SLC7A7: variants seen among roughly 807,000 people sequenced by gnomAD.
SLC7A7 encodes solute carrier family 7 member 7.
In SLC7A7, 39 loss-of-function variants were observed where a neutral mutation model predicts 47.9. The observed-to-expected ratio is 0.81, with a 90% confidence interval of 0.63 to 1.06. The LOEUF is 1.06. Ranked by LOEUF, SLC7A7 falls within the 50% of genes least tolerant of loss-of-function variation. The probability of loss-of-function intolerance (pLI) is 0.00; values close to 1 mark genes in which losing one functional copy is unlikely to be tolerated. For synonymous variants in SLC7A7, 234 were observed against 242.8 expected (o/e 0.96, Z 0.34); for missense variants, 588 against 632.0 (o/e 0.93, Z 0.75).
At position 22,780,053 on chromosome 14, in the gene SLC7A7, T is replaced by G; in HGVS notation, c.500-2A>C. ...CACAGTTAATGAAGGTTAAGAGACC[T>G]GAAAGAAAAATAATACTGATTGGTG... On this transcript the variant is annotated splice_acceptor_variant, in intron 2 of 9. Transcript: ENST00000674313. LOFTEE classifies it high-confidence loss of function. 6.2e-7 allele frequency: 1 copy of G among 1,613,964 alleles called. No homozygotes were observed. The highest frequency in any genetic ancestry group is 8.5e-7 in the Non-Finnish European group (1 of 1,179,916).
At position 22,775,836 on chromosome 14, in the gene SLC7A7, G is replaced by C; in HGVS notation, c.995C>G (p.Ser332Cys). ...TCACAAAAGTTGCCACTCTTACCTAGAAGCAGCCACAATGGAGGCATTGAG... is the reference window on the plus strand; with the variant it reads ...TCACAAAAGTTGCCACTCTTACCTACAAGCAGCCACAATGGAGGCATTGAG... ...GGLNASIVAA[S>C]RLFFVGSREG... The change falls in exon 6 of 10, where the codon TCT becomes TGT. Residue 332 changes from serine (S) to cysteine (C), a missense_variant. Coordinates refer to ENST00000674313, the MANE Select transcript of SLC7A7 (RefSeq NM_003982.4). The C allele has an allele frequency of 1.2e-6, 2 of 1,612,924 alleles. No homozygotes were observed. Among genetic ancestry groups the C allele is most frequent in the Non-Finnish European group, 1.7e-6 (2 of 1,178,898 alleles).
Position 22,813,239 on chromosome 14 carries a change from C to T in SLC7A7, c.160G>A (p.Gly54Ser). ...CLIVGNMIGS[G>S]IFVSPKGVLI... ...ACACCCTTGGGGGAAACAAAGATGC[C>T]CGAGCCGATCATGTTCCCCACAATC... The change falls in exon 2 of 10, where the codon GGC becomes AGC. Residue 54 changes from glycine (G) to serine (S), a missense_variant. Coordinates refer to ENST00000674313, the MANE Select transcript of SLC7A7 (RefSeq NM_003982.4). The T allele has an allele frequency of 6.2e-7, 1 of 1,613,858 alleles. No homozygotes were observed.
Position 22,796,577 on chromosome 14 carries a change from T to C in SLC7A7, c.499+16323A>G, listed in dbSNP as rs561241957. Among the ~76,000 whole-genome samples, 4 of 152,350 alleles carry C rather than the reference T, an allele frequency of 2.6e-5. No homozygotes were observed. In the East Asian group the frequency reaches 7.7e-4, roughly 29 times the overall value. ...GCCTGATCCCTGAAGAACAGTACTCTGTAAACAAAGAGCCCTGAACTGCCA... is the reference window on the plus strand; with the variant it reads ...GCCTGATCCCTGAAGAACAGTACTCCGTAAACAAAGAGCCCTGAACTGCCA... On this transcript the variant is annotated intron_variant, in intron 2 of 9. Transcript: ENST00000674313.
In SLC7A7 at chr14:22,813,030, G is replaced by C. The variant is rs1412848062; in HGVS notation, c.369C>G (p.Ser123=). The C allele has an allele frequency of 1.9e-6, 3 of 1,613,982 alleles. No homozygotes were observed. In the African/African-American group the frequency reaches 4.0e-5, roughly 22 times the overall value. Residue 123 remains serine, a synonymous_variant, in exon 2 of 10, where the codon TCC becomes TCG. Coordinates refer to ENST00000674313, the MANE Select transcript of SLC7A7 (RefSeq NM_003982.4). ...GFLAFIRLWT[S]LLIIEPTSQA... The stretch of plus-strand genomic sequence containing the variant: ...GGCTGGTGGGCTCAATGATGAGCAG[G>C]GAGGTCCAGAGTCTGATGAAAGCAA...
intron 2 of SLC7A7, among the ~76,000 whole-genome samples, chr14:22,809,186 G>C (rs1475872047): frequency 6.6e-6 from 1 of 152,080 alleles, no homozygotes; most frequent in Non-Finnish European, 1.5e-5. Context: ...GTTTTGTTTT[G>C]TTTTGTCTTT....
At chr14:22,795,377 GCTTGCTTGCTTT>G (rs1451663818) in intron 2 of SLC7A7, among the ~76,000 whole-genome samples, 155 of 7,346 alleles carry the variant, frequency 0.021, 1 homozygote, top group Middle Eastern at 0.25. Flanking sequence ...TCTGAGTATT[GCTTGCTTGCTTT>G]CTTTCTTTCT....
At chr14:22,790,870 C>T (rs1230756919) in intron 2 of SLC7A7, among the ~76,000 whole-genome samples, 1 of 151,894 alleles carries the variant, frequency 6.6e-6, no homozygotes, top group African/African-American at 2.4e-5. Context: ...TGGTGGTGTG[C>T]GCCTGTAGTC....
chr14:22,774,026 C>A lies in SLC7A7; in HGVS notation c.1336G>T (p.Gly446Cys). 6.2e-7 allele frequency: 1 copy of A among 1,614,066 alleles called. No homozygotes were observed. The highest frequency in any genetic ancestry group is 1.1e-5 in the South Asian group (1 of 91,066). ...AGGCCTGAGAGGGCAATGGCAATGC[C>A]GATGAGGGAGTTGATAGTATCACTG... ...LYSDTINSLI[G>C]IAIALSGLPF... The change falls in exon 9 of 10, where the codon GGC becomes TGC. Residue 446 changes from glycine (G) to cysteine (C), a missense_variant. Gly to Cys is a radical substitution (Grantham distance 159, BLOSUM62 -3). Transcript: ENST00000674313.
In SLC7A7 at chr14:22,813,216, A is replaced by AC; in HGVS notation, c.182dup (p.Val62CysfsTer37). The AC allele has an allele frequency of 6.2e-7, 1 of 1,613,900 alleles. No individual in the cohort carries two copies. The highest frequency in any genetic ancestry group is 8.5e-7 in the Non-Finnish European group (1 of 1,179,918). On this transcript the variant is annotated frameshift_variant, in exon 2 of 10. Coordinates refer to ENST00000674313, the MANE Select transcript of SLC7A7 (RefSeq NM_003982.4). LOFTEE classifies it high-confidence loss of function. The stretch of plus-strand genomic sequence containing the variant: ...CAAAGGAGGCACTGTATATGAGCAC[A>AC]CCCTTGGGGGAAACAAAGATGCCCG...
intron 6 of SLC7A7, 50 bp downstream of exon 6, chr14:22,775,783 A>G (rs1442958487): frequency 3.8e-6 from 5 of 1,321,342 alleles, no homozygotes; most frequent in Non-Finnish European, 4.4e-6. Context: ...AGTTCTGTCC[A>G]CTGCATAGCC....
chr14:22,786,427 C>T (rs1347083417), intron 2 of SLC7A7, among the ~76,000 whole-genome samples: 1 of 152,214 alleles, frequency 6.6e-6, no homozygotes, highest in African/African-American at 2.4e-5. Context: ...AGACCCCTCA[C>T]CATCCCAGGA....
At chr14:22,796,123 T>C (rs2039018054) in intron 2 of SLC7A7, among the ~76,000 whole-genome samples, 1 of 152,156 alleles carries the variant, frequency 6.6e-6, no homozygotes, top group Non-Finnish European at 1.5e-5. Context: ...CACCCTCAGA[T>C]GGCTCTTGGG....
chr14:22,788,007 C>A (rs8014410), intron 2 of SLC7A7, among the ~76,000 whole-genome samples: 81,370 of 148,770 alleles, frequency 0.55, 22,217 homozygotes, highest in East Asian at 0.61. Context: ...CGGGAGGCGG[C>A]GGTTGCAGTG....
chr14:22,788,060 G>A (rs1197254105), intron 2 of SLC7A7, among the ~76,000 whole-genome samples: 1 of 151,660 alleles, frequency 6.6e-6, no homozygotes, highest in East Asian at 1.9e-4. Flanking sequence ...GTGACAGAGC[G>A]AGAGTTCGTC....
chr14:22,787,923 G>A (rs1459716159), intron 2 of SLC7A7, among the ~76,000 whole-genome samples: 6 of 151,088 alleles, frequency 4.0e-5, no homozygotes, highest in African/African-American at 9.7e-5. Flanking sequence ...AATACAAAAA[G>A]TTAGCCGGGC....
At chr14:22,789,931 A>C (rs1054888323) in intron 2 of SLC7A7, among the ~76,000 whole-genome samples, 24 of 152,182 alleles carry the variant, frequency 1.6e-4, no homozygotes, top group Non-Finnish European at 3.2e-4. Context: ...ATATTAGCCC[A>C]GTGAGACCCA....
intron 2 of SLC7A7, 38 bp from the exon 3 acceptor site, chr14:22,780,089 A>AC (rs762534363): frequency 3.7e-6 from 6 of 1,612,430 alleles, no homozygotes; most frequent in Non-Finnish European, 5.1e-6. Flanking sequence ...ACTTACCCTT[A>AC]CCACCCTAGG....
chr14:22,773,790 C>A, intron 9 of SLC7A7, 74 bp from the exon 10 acceptor site: 1 of 1,542,114 alleles, frequency 6.5e-7, no homozygotes, highest in East Asian at 2.2e-5. Context: ...GAATGGAACT[C>A]AGTGTGAGGG....
At chr14:22,777,252 A>G (rs74336362) in intron 4 of SLC7A7, among the ~76,000 whole-genome samples, 3,072 of 152,000 alleles carry the variant, frequency 0.02, 99 homozygotes, top group African/African-American at 0.071. Flanking sequence ...TACCCCAAAG[A>G]TCTTTTGGTG....
Sources: gnomAD v4.1 joint callset for allele counts (sites outside exome capture counted in the v4.1 genomes callset) on GRCh38, gnomAD v4.1.1 for gene constraint, MANE v1.5 for transcripts, NCBI Gene and HGNC (gene_info 2026-07-23, HGNC 2026-07-21) for gene names.